The following PTPRD variants were observed in gnomAD, a reference collection of about 807,000 sequenced individuals.
PTPRD encodes the protein receptor-type tyrosine-protein phosphatase delta.
PTPRD carries 34 observed loss-of-function variants against 214.5 expected under a neutral mutation model. The observed-to-expected ratio is 0.16, with a 90% CI of 0.12 to 0.21. The LOEUF (loss-of-function observed/expected upper bound fraction) is 0.21, where lower values mean the gene tolerates loss of function less well. PTPRD is among the 10% of genes least tolerant of loss of function. The probability of loss-of-function intolerance (pLI) is 1.00; values close to 1 mark genes in which losing one functional copy is unlikely to be tolerated. For missense variants in PTPRD, 2,545 were observed against 2,398.7 expected (o/e 1.06, Z -1.27); for synonymous variants, 1,128 against 845.7 (o/e 1.33, Z -5.79).
chr9:10,000,028 T>C (rs922429352), intron 4 of PTPRD, among the ~76,000 whole-genome samples: 23 of 152,004 alleles, frequency 1.5e-4, no homozygotes, highest in Non-Finnish European at 2.1e-4. Context: ...AGGAAAGGAA[T>C]TGTCAAGATT....
At chr9:9,697,983 G>A (rs2154409481) in intron 7 of PTPRD, among the ~76,000 whole-genome samples, 1 of 152,184 alleles carries the variant, frequency 6.6e-6, no homozygotes, top group South Asian at 2.1e-4. Context: ...TCAGCTCCAG[G>A]AATTCTGTTT....
intron 7 of PTPRD, among the ~76,000 whole-genome samples, chr9:9,685,500 T>C (rs2097151440): frequency 6.6e-6 from 1 of 151,406 alleles, no homozygotes; most frequent in South Asian, 2.1e-4. Context: ...CTAACTTTTG[T>C]GTTCCTTTAG....
At chr9:8,654,788 T>C (rs1043771715) in intron 12 of PTPRD, among the ~76,000 whole-genome samples, 1 of 152,160 alleles carries the variant, frequency 6.6e-6, no homozygotes, top group Non-Finnish European at 1.5e-5. Flanking sequence ...TCCCTTCCTA[T>C]GTATTTATTT....
At chr9:8,441,102 A>G (rs1372937184) in intron 34 of PTPRD, among the ~76,000 whole-genome samples, 2 of 152,214 alleles carry the variant, frequency 1.3e-5, no homozygotes, top group Admixed American at 1.3e-4. Context: ...TAAGTATCAT[A>G]TAGTCAACAT....
intron 11 of PTPRD, among the ~76,000 whole-genome samples, chr9:8,926,181 C>T (rs1055334812): frequency 1.5e-4 from 23 of 151,998 alleles, no homozygotes; most frequent in Non-Finnish European, 2.9e-4. Context: ...ACTGGAATAC[C>T]TTTTCATTTT....
At chr9:9,763,074 T>C (rs2098674344) in intron 6 of PTPRD, among the ~76,000 whole-genome samples, 1 of 152,190 alleles carries the variant, frequency 6.6e-6, no homozygotes, top group Non-Finnish European at 1.5e-5. Flanking sequence ...TTATACAGCC[T>C]CCAATTCTAT....
intron 14 of PTPRD, among the ~76,000 whole-genome samples, chr9:8,595,958 G>A (rs934408889): frequency 2.6e-5 from 4 of 152,046 alleles, no homozygotes; most frequent in African/African-American, 7.2e-5. Flanking sequence ...ATTGTATATC[G>A]CTACAAATCA....
chr9:9,037,529 TC>T (rs1290895200), intron 10 of PTPRD, among the ~76,000 whole-genome samples: 1 of 152,140 alleles, frequency 6.6e-6, no homozygotes, highest in Non-Finnish European at 1.5e-5. Flanking sequence ...TGGTAAAACT[TC>T]CGTGCTGTGC....
In PTPRD at chr9:9,479,450, T is replaced by C. The variant is rs371803123; in HGVS notation, c.-236-81968A>G. Reference sequence around the variant, plus strand: ...TCCCAATAATAACAGTTACCAGTTGTTGAGGACTTGATTCTTTTCAAACCT... The same window carrying C: ...TCCCAATAATAACAGTTACCAGTTGCTGAGGACTTGATTCTTTTCAAACCT... On this transcript the variant is annotated intron_variant, in intron 8 of 45. Transcript: ENST00000381196. 1.1e-4 allele frequency among the ~76,000 whole-genome samples: 16 copies of C among 152,182 alleles called. No individual in the cohort carries two copies. In the East Asian group the frequency reaches 2.9e-3, roughly 28 times the overall value.
At chr9:8,873,087 T>G (rs1282278350) in intron 11 of PTPRD, among the ~76,000 whole-genome samples, 1 of 152,192 alleles carries the variant, frequency 6.6e-6, no homozygotes, top group Non-Finnish European at 1.5e-5. Flanking sequence ...GCCCTGAGAC[T>G]TCTAATCTGT....
chr9:9,910,471 G>T (rs754682400), intron 5 of PTPRD, among the ~76,000 whole-genome samples: 41 of 151,984 alleles, frequency 2.7e-4, no homozygotes, highest in Non-Finnish European at 5.6e-4. Flanking sequence ...ATGTATTCTT[G>T]AAGGATGTTT....
intron 9 of PTPRD, among the ~76,000 whole-genome samples, chr9:9,208,107 C>T (rs1363569512): frequency 7.2e-6 from 1 of 139,252 alleles, no homozygotes; most frequent in East Asian, 2.5e-4. Context: ...CTCCGCCTCC[C>T]GTGTTCATGC....
At chr9:8,788,275 T>G (rs375661292) in intron 11 of PTPRD, among the ~76,000 whole-genome samples, 1,522 of 117,916 alleles carry the variant, frequency 0.013, 13 homozygotes, top group East Asian at 0.037. Context: ...TTTTTTTTTT[T>G]TTTGTGTGTG....
At chr9:9,730,935 T>C (rs902295309) in intron 7 of PTPRD, among the ~76,000 whole-genome samples, 2 of 152,188 alleles carry the variant, frequency 1.3e-5, no homozygotes, top group African/African-American at 4.8e-5. Context: ...CATATGTTAT[T>C]ATTTTGACCT....
chr9:10,286,550 T>C (rs567265405), intron 3 of PTPRD, among the ~76,000 whole-genome samples: 11 of 152,172 alleles, frequency 7.2e-5, no homozygotes, highest in African/African-American at 2.4e-4. Context: ...TTAAACACTA[T>C]TGAAGCCAAT....
At chr9:8,322,468 A>G (rs1370025059) in intron 44 of PTPRD, among the ~76,000 whole-genome samples, 1 of 152,214 alleles carries the variant, frequency 6.6e-6, no homozygotes, top group Non-Finnish European at 1.5e-5. Flanking sequence ...AAAGGCCTGC[A>G]TAGAAGATCA....
At chr9:9,091,231 C>T (rs531788498) in intron 10 of PTPRD, 1 of 1,303,752 alleles carries the variant, frequency 7.7e-7, no homozygotes, top group South Asian at 1.2e-5. Flanking sequence ...ACGTCCCCCA[C>T]CAAAGCCCAT....
intron 2 of PTPRD, among the ~76,000 whole-genome samples, chr9:10,442,452 T>C (rs1380571023): frequency 6.6e-6 from 1 of 151,578 alleles, no homozygotes; most frequent in Non-Finnish European, 1.5e-5. Context: ...TGATCCGATA[T>C]TGGTTTATGT....
intron 39 of PTPRD, among the ~76,000 whole-genome samples, chr9:8,373,062 C>G (rs1013814874): frequency 6.6e-6 from 1 of 152,020 alleles, no homozygotes; most frequent in Non-Finnish European, 1.5e-5. Flanking sequence ...GTAACATGAT[C>G]ATGATTAACC....
Sources: gnomAD v4.1 joint callset for allele counts (sites outside exome capture counted in the v4.1 genomes callset) on GRCh38, gnomAD v4.1.1 for gene constraint, MANE v1.5 for transcripts, NCBI Gene and HGNC (gene_info 2026-07-23, HGNC 2026-07-21) for gene names.